Variants in SPAG16 observed in about 807,000 individuals in gnomAD.
The protein encoded by SPAG16 is sperm associated antigen 16.
A neutral mutation model predicts 80.4 loss-of-function variants in SPAG16; 86 were observed. The ratio of observed to expected loss-of-function variants is 1.07; its 90% CI spans 0.90 to 1.28. The LOEUF is 1.28. Ranked by LOEUF, SPAG16 falls within the 50% of genes most tolerant of loss-of-function variation. The pLI, the probability that SPAG16 is intolerant of heterozygous loss-of-function variation, is 0.00. For synonymous variants in SPAG16, 294 were observed against 265.9 expected (o/e 1.11, Z -1.03); for missense variants, 870 against 765.3 (o/e 1.14, Z -1.61).
intron 14 of SPAG16, among the ~76,000 whole-genome samples, chr2:214,114,347 G>A (rs1355703595): frequency 6.6e-6 from 1 of 152,212 alleles, no homozygotes; most frequent in African/African-American, 2.4e-5. Flanking sequence ...CTGGGACAAC[G>A]CACTGCTCTC....
chr2:213,331,103 G>C (rs2064082240), intron 5 of SPAG16, among the ~76,000 whole-genome samples: 2 of 152,206 alleles, frequency 1.3e-5, no homozygotes, highest in African/African-American at 4.8e-5. Context: ...CAGGGGTAGA[G>C]AGTTTTTCTT....
intron 10 of SPAG16, among the ~76,000 whole-genome samples, chr2:213,622,232 A>G (rs1490055740): frequency 6.6e-6 from 1 of 152,204 alleles, no homozygotes; most frequent in Non-Finnish European, 1.5e-5. Flanking sequence ...TTAAAGTTTC[A>G]AAGTTATATT....
At chr2:213,289,525 A>G (rs2062187661) in intron 1 of SPAG16, among the ~76,000 whole-genome samples, 1 of 152,192 alleles carries the variant, frequency 6.6e-6, no homozygotes, top group African/African-American at 2.4e-5. Context: ...GCAGGGAGCA[A>G]TTGGCAAAAG....
At chr2:214,410,059 T>A in intron 15 of SPAG16, 81 bp from the exon 16 acceptor site, 1 of 1,480,230 alleles carries the variant, frequency 6.8e-7, no homozygotes, top group Non-Finnish European at 9.3e-7. Context: ...AAAAATAGAA[T>A]GCTTCATTGC....
chr2:213,873,609 A>C lies in SPAG16; in HGVS notation c.1214+10981A>C, dbSNP rs117323118. Reference sequence around the variant, plus strand: ...TGATTTGAGATATTTGTTCTTTTTAAATGTACCATTTACATCTGTGAATTT... The same window carrying C: ...TGATTTGAGATATTTGTTCTTTTTACATGTACCATTTACATCTGTGAATTT... On this transcript the variant is annotated intron_variant, in intron 11 of 15. Transcript: ENST00000331683. Among the ~76,000 whole-genome samples, 565 of 151,900 alleles carry C rather than the reference A, an allele frequency of 3.7e-3. 14 individuals carry two copies. The East Asian group carries it at 0.042, about 11-fold the overall frequency.
At chr2:214,020,924 T>C (rs1313077506) in intron 13 of SPAG16, among the ~76,000 whole-genome samples, 1 of 152,200 alleles carries the variant, frequency 6.6e-6, no homozygotes, top group Non-Finnish European at 1.5e-5. Context: ...ACTAAAAATA[T>C]GTGTTATCAA....
intron 13 of SPAG16, among the ~76,000 whole-genome samples, chr2:214,045,718 G>T (rs903671509): frequency 2.6e-5 from 4 of 152,132 alleles, no homozygotes; most frequent in African/African-American, 9.7e-5. Context: ...GCAGTACTAA[G>T]AGGCAAGTTT....
At chr2:213,893,194 C>A (rs2076853123) in intron 11 of SPAG16, among the ~76,000 whole-genome samples, 1 of 152,058 alleles carries the variant, frequency 6.6e-6, no homozygotes, top group Admixed American at 6.6e-5. Context: ...AATCACCATA[C>A]AAGAATACTG....
At chr2:214,356,331 A>G (rs1698797683) in intron 15 of SPAG16, among the ~76,000 whole-genome samples, 1 of 152,018 alleles carries the variant, frequency 6.6e-6, no homozygotes, top group East Asian at 1.9e-4. Context: ...AAAAATGAGA[A>G]AAACATTTTC....
In SPAG16 at chr2:214,229,504, A is replaced by ATGTGTGTATATATATGTG. The variant is rs1688542452; in HGVS notation, c.1720+80252_1720+80269dup. ...TATGTGTATATATATTTATATGTGT[A>ATGTGTGTATATATATGTG]TGTGTGTATATATATGTGTGTGTGT... is the stretch of plus-strand genomic sequence containing the variant. On this transcript the variant is annotated intron_variant, in intron 15 of 15. Coordinates refer to ENST00000331683, the MANE Select transcript of SPAG16 (RefSeq NM_024532.5). Among the ~76,000 whole-genome samples the ATGTGTGTATATATATGTG allele has an allele frequency of 6.6e-5, 10 of 151,780 alleles. No homozygotes were observed. The South Asian group carries it at 2.1e-3, about 31-fold the overall frequency.
At chr2:213,401,577 G>A (rs2068311047) in intron 9 of SPAG16, among the ~76,000 whole-genome samples, 1 of 152,110 alleles carries the variant, frequency 6.6e-6, no homozygotes, top group Non-Finnish European at 1.5e-5. Context: ...TTTCATGTTA[G>A]TATTTGCCTG....
chr2:214,043,743 A>G (rs1415400272), intron 13 of SPAG16, among the ~76,000 whole-genome samples: 1 of 152,174 alleles, frequency 6.6e-6, no homozygotes, highest in Non-Finnish European at 1.5e-5. Flanking sequence ...AATTGATATT[A>G]TATTTATGGT....
intron 14 of SPAG16, among the ~76,000 whole-genome samples, chr2:214,130,787 G>C (rs1019101287): frequency 6.6e-6 from 1 of 152,160 alleles, no homozygotes; most frequent in African/African-American, 2.4e-5. Context: ...ACTCACATGA[G>C]AGTCAGAACA....
intron 11 of SPAG16, among the ~76,000 whole-genome samples, chr2:213,874,705 T>C (rs2076078897): frequency 6.6e-6 from 1 of 152,168 alleles, no homozygotes; most frequent in South Asian, 2.1e-4. Flanking sequence ...AACCATATCA[T>C]ATATGCAGTC....
chr2:214,386,201 C>A (rs867123168), intron 15 of SPAG16, among the ~76,000 whole-genome samples: 3 of 151,966 alleles, frequency 2.0e-5, no homozygotes, highest in Non-Finnish European at 4.4e-5. Context: ...AGGGTGAAAC[C>A]CCATATCTAC....
chr2:213,841,577 T>C (rs1352696435), intron 10 of SPAG16, among the ~76,000 whole-genome samples: 1 of 152,162 alleles, frequency 6.6e-6, no homozygotes, highest in East Asian at 1.9e-4. Context: ...TTGACTTACT[T>C]GTTGATGTAT....
intron 8 of SPAG16, among the ~76,000 whole-genome samples, chr2:213,373,526 G>A (rs1389177825): frequency 1.3e-5 from 2 of 151,984 alleles, no homozygotes. Context: ...ATGCCCTTTT[G>A]GATTTTCCAC....
At chr2:213,584,390 G>C (rs1406790368) in intron 10 of SPAG16, among the ~76,000 whole-genome samples, 1 of 152,086 alleles carries the variant, frequency 6.6e-6, no homozygotes, top group Non-Finnish European at 1.5e-5. Context: ...GAAAACAATG[G>C]TGACATTTAG....
At chr2:213,404,317 C>T (rs369980420) in intron 9 of SPAG16, among the ~76,000 whole-genome samples, 12 of 152,118 alleles carry the variant, frequency 7.9e-5, no homozygotes, top group African/African-American at 2.6e-4. Flanking sequence ...ATACTACAAG[C>T]CTACAGTAAC....
Sources: gnomAD v4.1 joint callset for allele counts (sites outside exome capture counted in the v4.1 genomes callset) on GRCh38, gnomAD v4.1.1 for gene constraint, MANE v1.5 for transcripts, NCBI Gene and HGNC (gene_info 2026-07-23, HGNC 2026-07-21) for gene names.